The following CAPN8 variants were observed in gnomAD, a reference collection of about 807,000 sequenced individuals.
CAPN8 encodes the protein calpain 8, also known as calpain-8.
Under a neutral mutation model 80.9 loss-of-function variants are expected in CAPN8, and 87 were observed. The ratio of observed to expected loss-of-function variants is 1.07; its 90% CI spans 0.90 to 1.28. The LOEUF (loss-of-function observed/expected upper bound fraction) is 1.28, where lower values mean the gene tolerates loss of function less well. CAPN8 is among the 50% of genes most tolerant of loss of function. The pLI is 0.00. For synonymous variants in CAPN8, 299 were observed against 273.8 expected, an observed-to-expected ratio of 1.09 and a Z score of -0.91; for missense variants, 757 against 702.0, an observed-to-expected ratio of 1.08 and a Z score of -0.89.
Position 223,556,745 on chromosome 1 carries a change from A to G in CAPN8, c.1572+1386T>C, listed in dbSNP as rs1046125178. On this transcript the variant is annotated intron_variant, in intron 13 of 20. Coordinates refer to ENST00000366872, the MANE Select transcript of CAPN8 (RefSeq NM_001143962.2). ...GATCAGTATAAGTTGATTTAGCAGA[A>G]CCCTGCCCTTCCCATCCAAAAAAGG... Among the ~76,000 whole-genome samples, 168 of 152,198 alleles carry G rather than the reference A, an allele frequency of 1.1e-3. 1 individual carries two copies. Among genetic ancestry groups the G allele is most frequent in the Admixed American group, 1.8e-3 (27 of 15,280 alleles).
Position 223,656,688 on chromosome 1 carries a change from T to G in CAPN8, c.238-2289A>C, listed in dbSNP as rs937495543. Among the ~76,000 whole-genome samples, 256 of 140,464 alleles carry G rather than the reference T, an allele frequency of 1.8e-3. 5 individuals carry two copies. The highest frequency in any genetic ancestry group is 6.8e-3 in the African/African-American group (252 of 37,170). 92.1% of individuals were successfully genotyped at this position (140,464 alleles called of 152,430 possible). The stretch of plus-strand genomic sequence containing the variant: ...TTTGGGTTTTTTTGTTTTGTTTTTT[T>G]TTTTTTTTTTTTTGAGACGGGGTCT... On this transcript the variant is annotated intron_variant, in intron 1 of 20. Coordinates refer to ENST00000366872, the MANE Select transcript of CAPN8 (RefSeq NM_001143962.2).
At chr1:223,649,620 A>C (rs1558355593) in intron 2 of CAPN8, among the ~76,000 whole-genome samples, 1 of 152,224 alleles carries the variant, frequency 6.6e-6, no homozygotes, top group Non-Finnish European at 1.5e-5. Flanking sequence ...ACACATAGGC[A>C]ACCTCAGGAT....
chr1:223,642,015 T>C (rs954093888), intron 2 of CAPN8, among the ~76,000 whole-genome samples: 1 of 152,170 alleles, frequency 6.6e-6, no homozygotes, highest in African/African-American at 2.4e-5. Flanking sequence ...TACTTGTAAA[T>C]TAAGAACCTG....
chr1:223,650,585 A>G (rs1277836972), intron 2 of CAPN8, among the ~76,000 whole-genome samples: 2 of 152,192 alleles, frequency 1.3e-5, no homozygotes, highest in Non-Finnish European at 2.9e-5. Flanking sequence ...CATGGAAGAG[A>G]ATGAAGCCAA....
At chr1:223,622,142 C>T (rs1035147706) in intron 7 of CAPN8, among the ~76,000 whole-genome samples, 1 of 152,140 alleles carries the variant, frequency 6.6e-6, no homozygotes, top group African/African-American at 2.4e-5. Context: ...CCACACTAAC[C>T]TGCCTCTGCC....
chr1:223,555,875 T>C (rs1656895382), intron 13 of CAPN8, among the ~76,000 whole-genome samples: 1 of 152,224 alleles, frequency 6.6e-6, no homozygotes, highest in African/African-American at 2.4e-5. Flanking sequence ...ACCTGGCCCA[T>C]GTTGGGAACT....
intron 9 of CAPN8, 81 bp downstream of exon 9, chr1:223,619,212 G>C: frequency 1.3e-6 from 2 of 1,492,426 alleles, no homozygotes; most frequent in Non-Finnish European, 1.8e-6. Context: ...ACACAAAATA[G>C]CACCAAAAAA....
At chr1:223,655,958 G>GT (rs1571741417) in intron 1 of CAPN8, among the ~76,000 whole-genome samples, 1 of 152,156 alleles carries the variant, frequency 6.6e-6, no homozygotes, top group African/African-American at 2.4e-5. Flanking sequence ...CTTCATAGAG[G>GT]TGAAGAAAGG....
At chr1:223,557,260 G>T (rs1656925561) in intron 13 of CAPN8, among the ~76,000 whole-genome samples, 2 of 7,764 alleles carry the variant, frequency 2.6e-4, no homozygotes, top group South Asian at 7.5e-3. Context: ...CAGAATATGT[G>T]ATTTGTATAT....
At chr1:223,637,359 C>T (rs530683049) in intron 2 of CAPN8, among the ~76,000 whole-genome samples, 1 of 152,252 alleles carries the variant, frequency 6.6e-6, no homozygotes, top group South Asian at 2.1e-4. Flanking sequence ...CCTACCAGCC[C>T]TGGTAACGCC....
chr1:223,612,663 T>A (rs1402679064), intron 10 of CAPN8, among the ~76,000 whole-genome samples: 1 of 152,060 alleles, frequency 6.6e-6, no homozygotes, highest in Non-Finnish European at 1.5e-5. Context: ...ACCTGAGCCA[T>A]AGTTTATTCT....
At chr1:223,657,012 T>C (rs1658512673) in intron 1 of CAPN8, among the ~76,000 whole-genome samples, 1 of 152,186 alleles carries the variant, frequency 6.6e-6, no homozygotes, top group Non-Finnish European at 1.5e-5. Context: ...CACATATGTC[T>C]TGTACGTATG....
intron 4 of CAPN8, among the ~76,000 whole-genome samples, 172 bp downstream of exon 4, chr1:223,627,837 C>A (rs933314366): frequency 1.3e-5 from 2 of 152,172 alleles, no homozygotes; most frequent in Admixed American, 6.5e-5. Flanking sequence ...GCCCAGATTT[C>A]TGTTTCTCTT....
chr1:223,626,948 G>A (rs1421754961), intron 5 of CAPN8, 41 bp downstream of exon 5: 20 of 1,537,440 alleles, frequency 1.3e-5, no homozygotes, highest in Non-Finnish European at 1.7e-5. Context: ...AAGGGGTGGC[G>A]GTGGGGGGAG....
chr1:223,649,783 A>G (rs1213452484), intron 2 of CAPN8, among the ~76,000 whole-genome samples: 3 of 152,230 alleles, frequency 2.0e-5, no homozygotes, highest in Admixed American at 6.5e-5. Context: ...CCAACAGATC[A>G]AAAGTGCAAC....
intron 2 of CAPN8, among the ~76,000 whole-genome samples, chr1:223,646,656 G>A (rs151169106): frequency 1.8e-3 from 267 of 152,310 alleles, no homozygotes; most frequent in African/African-American, 5.7e-3. Context: ...CACATGTGCT[G>A]GAACTAATGG....
At chr1:223,558,498 T>A (rs1200391880) in intron 12 of CAPN8, among the ~76,000 whole-genome samples, 1 of 152,106 alleles carries the variant, frequency 6.6e-6, no homozygotes, top group Non-Finnish European at 1.5e-5. Context: ...CCCAGAAGGG[T>A]GATCCCTGTA....
intron 2 of CAPN8, among the ~76,000 whole-genome samples, chr1:223,631,671 C>T (rs1657777526): frequency 6.6e-6 from 1 of 152,218 alleles, no homozygotes; most frequent in African/African-American, 2.4e-5. Context: ...TCTCCAACAG[C>T]ATCTTACATA....
At position 223,663,753 on chromosome 1, in the gene CAPN8, G is replaced by A. The variant is rs141806653; in HGVS notation, c.237+1657C>T. On this transcript the variant is annotated intron_variant, in intron 1 of 20. Coordinates refer to ENST00000366872, the MANE Select transcript of CAPN8 (RefSeq NM_001143962.2). ...AATGGGAAGATGAACCACGGTGGGC[G>A]GGAGGGCAGCATGGCCAAGGAGTTA... Among the ~76,000 whole-genome samples, 36 of 152,310 alleles carry A rather than the reference G, an allele frequency of 2.4e-4. No individual in the cohort carries two copies. The East Asian group carries it at 6.6e-3, about 28-fold the overall frequency.
Sources: gnomAD v4.1 joint callset for allele counts (sites outside exome capture counted in the v4.1 genomes callset) on GRCh38, gnomAD v4.1.1 for gene constraint, MANE v1.5 for transcripts, NCBI Gene and HGNC (gene_info 2026-07-23, HGNC 2026-07-21) for gene names.